ZBTB20: variants seen among roughly 807,000 people sequenced by gnomAD.
ZBTB20 encodes the protein zinc finger and BTB domain-containing protein 20.
A neutral mutation model predicts 56.9 loss-of-function variants in ZBTB20; 9 were observed. The ratio of observed to expected loss-of-function variants is 0.16; its 90% CI spans 0.10 to 0.28. The LOEUF is 0.28. Among genes scored for constraint, ZBTB20 ranks in the 10% least tolerant of loss-of-function variants. The probability of loss-of-function intolerance (pLI) is 1.00; values close to 1 mark genes in which losing one functional copy is unlikely to be tolerated. For synonymous variants in ZBTB20, 417 were observed against 420.7 expected, an observed-to-expected ratio of 0.99 and a Z score of 0.11; for missense variants, 655 against 1,003.0, an observed-to-expected ratio of 0.65 and a Z score of 4.69.
intron 6 of ZBTB20, among the ~76,000 whole-genome samples, chr3:114,525,948 C>T (rs2047169905): frequency 6.6e-6 from 1 of 152,228 alleles, no homozygotes; most frequent in Admixed American, 6.5e-5. Context: ...ACAGCTAAAT[C>T]ATTGTCATTG....
At chr3:114,746,001 G>C (rs1307862140) in intron 5 of ZBTB20, among the ~76,000 whole-genome samples, 1 of 152,102 alleles carries the variant, frequency 6.6e-6, no homozygotes, top group Non-Finnish European at 1.5e-5. Context: ...AATGAACACT[G>C]GGCCTATGGC....
chr3:114,837,350 T>C (rs1490551997), intron 4 of ZBTB20, among the ~76,000 whole-genome samples: 1 of 152,222 alleles, frequency 6.6e-6, no homozygotes, highest in African/African-American at 2.4e-5. Flanking sequence ...GTTAGTTATC[T>C]ATTACAGCAT....
chr3:114,607,547 C>T (rs1297680268), intron 6 of ZBTB20, among the ~76,000 whole-genome samples: 1 of 152,240 alleles, frequency 6.6e-6, no homozygotes, highest in Admixed American at 6.5e-5. Context: ...AGGTGATCCA[C>T]CCGCCTCGGC....
chr3:114,807,387 T>G (rs1250390425), intron 4 of ZBTB20, among the ~76,000 whole-genome samples: 1 of 151,968 alleles, frequency 6.6e-6, no homozygotes. Context: ...ACTGATTGTT[T>G]CTTTCTGCTG....
intron 7 of ZBTB20, among the ~76,000 whole-genome samples, chr3:114,405,884 A>G (rs1322273891): frequency 6.6e-6 from 1 of 152,072 alleles, no homozygotes; most frequent in Non-Finnish European, 1.5e-5. Flanking sequence ...ACAAAGGGAC[A>G]ACTTTTCACA....
At chr3:114,769,311 A>G (rs916880230) in intron 5 of ZBTB20, among the ~76,000 whole-genome samples, 2 of 151,882 alleles carry the variant, frequency 1.3e-5, no homozygotes, top group Admixed American at 6.6e-5. Context: ...AAAATCATGG[A>G]GCCAACCCAA....
chr3:114,995,255 A>C (rs10511339), intron 2 of ZBTB20, among the ~76,000 whole-genome samples: 2,037 of 152,004 alleles, frequency 0.013, 21 homozygotes, highest in Non-Finnish European at 0.023. Flanking sequence ...AATATGGCAA[A>C]TGCTAATGTT....
At chr3:114,645,813 C>T (rs2059803456) in intron 6 of ZBTB20, among the ~76,000 whole-genome samples, 2 of 152,122 alleles carry the variant, frequency 1.3e-5, no homozygotes, top group South Asian at 2.1e-4. Context: ...TCAGACTTTA[C>T]ACAATTACAA....
intron 3 of ZBTB20, among the ~76,000 whole-genome samples, chr3:114,935,790 G>A (rs1190331823): frequency 1.3e-5 from 2 of 152,076 alleles, no homozygotes; most frequent in African/African-American, 4.8e-5. Context: ...AAGGCCTCAT[G>A]GCTCTAAGGG....
At chr3:114,725,781 T>C (rs1578548334) in intron 5 of ZBTB20, among the ~76,000 whole-genome samples, 1 of 152,172 alleles carries the variant, frequency 6.6e-6, no homozygotes, top group East Asian at 1.9e-4. Context: ...CAGTTGAACA[T>C]AAAATTGAGC....
At chr3:114,386,251 A>C (rs1452879321) in intron 8 of ZBTB20, among the ~76,000 whole-genome samples, 2 of 152,198 alleles carry the variant, frequency 1.3e-5, no homozygotes, top group Non-Finnish European at 2.9e-5. Context: ...TTAGTGATTA[A>C]ACACATTTTA....
chr3:114,700,081 C>T (rs368646406), intron 5 of ZBTB20, among the ~76,000 whole-genome samples: 5 of 152,002 alleles, frequency 3.3e-5, no homozygotes, highest in Middle Eastern at 3.4e-3. Flanking sequence ...TAAATGTGAG[C>T]CTACTGTTCA....
chr3:114,466,017 T>C (rs558284369), intron 7 of ZBTB20, among the ~76,000 whole-genome samples: 2 of 152,200 alleles, frequency 1.3e-5, no homozygotes, highest in Admixed American at 6.5e-5. Flanking sequence ...TTTAAGCATA[T>C]ATATATATAT....
chr3:115,070,231 A>G (rs1467335791), intron 2 of ZBTB20, among the ~76,000 whole-genome samples: 1 of 152,110 alleles, frequency 6.6e-6, no homozygotes, highest in African/African-American at 2.4e-5. Context: ...TCTAGCCCAC[A>G]CCTTTTTAAA....
At chr3:114,854,068 C>T (rs768362598) in intron 4 of ZBTB20, among the ~76,000 whole-genome samples, 71 of 152,076 alleles carry the variant, frequency 4.7e-4, no homozygotes, top group Non-Finnish European at 5.7e-4. Context: ...GTGAGTAGTT[C>T]CAGATTCTTA....
At chr3:114,551,985 G>A (rs2050644046) in intron 6 of ZBTB20, among the ~76,000 whole-genome samples, 1 of 152,210 alleles carries the variant, frequency 6.6e-6, no homozygotes, top group Non-Finnish European at 1.5e-5. Flanking sequence ...CCATGTGGGG[G>A]GATCACTTGA....
At chr3:114,487,348 G>A (rs2042253297) in intron 7 of ZBTB20, among the ~76,000 whole-genome samples, 1 of 152,190 alleles carries the variant, frequency 6.6e-6, no homozygotes, top group African/African-American at 2.4e-5. Context: ...TAGAGGATAA[G>A]CCATTTCCTA....
At chr3:114,464,702 G>T (rs191620255) in intron 7 of ZBTB20, among the ~76,000 whole-genome samples, 76 of 152,254 alleles carry the variant, frequency 5.0e-4, no homozygotes, top group Non-Finnish European at 8.4e-4. Context: ...GTTTCCCTTT[G>T]AGTCAGAGAA....
chr3:114,512,926 C>T lies in ZBTB20; in HGVS notation c.-294-12535G>A, dbSNP rs577716215. Among the ~76,000 whole-genome samples, 3 of 152,244 alleles carry T rather than the reference C, an allele frequency of 2.0e-5. No homozygotes were observed. In the South Asian group the frequency reaches 6.2e-4, roughly 32 times the overall value. On this transcript the variant is annotated intron_variant, in intron 6 of 11. Transcript: ENST00000675478. ...CATTGAACAGAGGACCATAATCTAG[C>T]TCAAGTAATCTCAATCTCAGAGAAC...
Sources: allele counts gnomAD v4.1 joint callset (sites outside exome capture counted in the v4.1 genomes callset), GRCh38; gene constraint gnomAD v4.1.1; transcripts MANE v1.5; gene names NCBI Gene and HGNC (gene_info 2026-07-23, HGNC 2026-07-21).